The following KCNQ1 variants were observed in gnomAD, a reference collection of about 807,000 sequenced individuals.
KCNQ1 encodes the protein potassium voltage-gated channel subfamily KQT member 1.
KCNQ1 carries 49 observed loss-of-function variants against 72.4 expected under a neutral mutation model. The ratio of observed to expected loss-of-function variants is 0.68; its 90% CI spans 0.54 to 0.86. KCNQ1 has a LOEUF of 0.86. KCNQ1 is among the 40% of genes least tolerant of loss of function. KCNQ1 has a pLI of 0.00. For synonymous variants in KCNQ1, 450 were observed against 412.6 expected (o/e 1.09, Z -1.10); for missense variants, 790 against 945.1 (o/e 0.84, Z 2.15).
chr11:2,507,309 G>T lies in KCNQ1; in HGVS notation c.387-20619G>T, dbSNP rs1235688240. ...CCCCACTGGCTGGGGCCTTCACGAGGCCCCTCTGGCCTCTAAGTGGAGCAT... is the reference window on the plus strand; with the variant it reads ...CCCCACTGGCTGGGGCCTTCACGAGTCCCCTCTGGCCTCTAAGTGGAGCAT... On this transcript the variant is annotated intron_variant, in intron 1 of 15. Coordinates refer to ENST00000155840, the MANE Select transcript of KCNQ1 (RefSeq NM_000218.3). This position sits in a 1 kb window ranked among gnomAD's most constrained non-coding sequence, Gnocchi z 5.4. Among the ~76,000 whole-genome samples, 2 of 152,178 alleles carry T rather than the reference G, an allele frequency of 1.3e-5. No individual in the cohort carries two copies. The highest frequency in any genetic ancestry group is 4.8e-5 in the African/African-American group (2 of 41,432).
chr11:2,585,216 T>C lies in KCNQ1; in HGVS notation c.1037T>C (p.Ile346Thr). 1 of 1,614,002 alleles carries C rather than the reference T, an allele frequency of 6.2e-7. No individual in the cohort carries two copies. Among genetic ancestry groups the C allele is most frequent in the East Asian group, 2.2e-5 (1 of 44,874 alleles). Residue 346 changes from isoleucine to threonine, a missense_variant, in exon 8 of 16, where the codon ATT becomes ACT. By Grantham distance (89) the Ile-to-Thr change is moderately conservative (BLOSUM62 -1). Around this residue, in one of 5 missense-constraint regions of KCNQ1, gnomAD observed 133 missense variants for 219.5 expected, o/e 0.61. Transcript: ENST00000155840. Reference sequence around the variant, plus strand: ...CTCCTGTCCATTCCTTCCCAGGGGATTCTTGGCTCGGGGTTTGCCCTGAAG... The same window carrying C: ...CTCCTGTCCATTCCTTCCCAGGGGACTCTTGGCTCGGGGTTTGCCCTGAAG... ...AISFFALPAG[I>T]LGSGFALKVQ... is the part of the protein sequence containing the mutation.
At chr11:2,455,273 AT>A (rs774728589) in intron 1 of KCNQ1, among the ~76,000 whole-genome samples, 41 of 151,928 alleles carry the variant, frequency 2.7e-4, no homozygotes, top group East Asian at 2.5e-3. Context: ...AATTTTTTGT[AT>A]TTTTTAGTAG....
chr11:2,649,541 T>C (rs1290164462), intron 10 of KCNQ1: 3 of 398,454 alleles, frequency 7.5e-6, no homozygotes, highest in African/African-American at 6.2e-5. Context: ...CTGCTTCATT[T>C]CTGAAGGATA....
intron 10 of KCNQ1, chr11:2,625,584 T>C: frequency 2.5e-6 from 1 of 397,316 alleles, no homozygotes. Flanking sequence ...TGCCCTTTTT[T>C]TTTTTTTTTT....
At chr11:2,714,900 A>G (rs998282942) in intron 11 of KCNQ1, among the ~76,000 whole-genome samples, 10 of 151,748 alleles carry the variant, frequency 6.6e-5, no homozygotes, top group Admixed American at 6.6e-4. Context: ...CTCAGGACAC[A>G]TGCTCTCCAG....
rs1025938422 is a variant in KCNQ1, at chr11:2,477,926, G to C, written c.386+32442G>C. ...AGGCCATCAAGGAAACCCCGTGGCA[G>C]GGGCAGGGGTTCAAAGAGCTGGTGG... On this transcript the variant is annotated intron_variant, in intron 1 of 15. Transcript: ENST00000155840. The surrounding 1 kb of genome is among the most constrained non-coding windows in gnomAD (Gnocchi z 5.0). Among the ~76,000 whole-genome samples the C allele has an allele frequency of 1.2e-4, 19 of 152,164 alleles. No homozygotes were observed. Among genetic ancestry groups the C allele is most frequent in the African/African-American group, 4.6e-4 (19 of 41,430 alleles).
chr11:2,627,292 T>C lies in KCNQ1; in HGVS notation c.1394-34669T>C, dbSNP rs1849276539. 1 of 398,544 alleles carries C rather than the reference T, an allele frequency of 2.5e-6. No homozygotes were observed. The highest frequency in any genetic ancestry group is 4.4e-6 in the Non-Finnish European group (1 of 226,028). 24.7% of individuals were successfully genotyped at this position (398,544 alleles called of 1,614,324 possible). ...CAAGCCAATTAACATATACCTTACA[T>C]AGTTGCCATGTGTGTGCGTGTGTGT... is the stretch of plus-strand genomic sequence containing the variant. On this transcript the variant is annotated intron_variant, in intron 10 of 15. Transcript: ENST00000155840. The surrounding 1 kb of genome is among the most constrained non-coding windows in gnomAD (Gnocchi z 4.9).
chr11:2,778,124 G>A, intron 15 of KCNQ1, 87 bp downstream of exon 15: 4 of 1,288,834 alleles, frequency 3.1e-6, no homozygotes, highest in Non-Finnish European at 4.5e-6. Flanking sequence ...TGAACGTGAA[G>A]CTCCTGCAGG....
intron 10 of KCNQ1, chr11:2,629,398 A>G (rs1170634952): frequency 5.0e-6 from 2 of 398,394 alleles, no homozygotes; most frequent in Non-Finnish European, 8.8e-6. Flanking sequence ...AAATGAAGTC[A>G]ATACCAAATC....
rs1034005148 is a variant in KCNQ1 at position 2,471,135 on chromosome 11, G to A, written c.386+25651G>A. On this transcript the variant is annotated intron_variant, in intron 1 of 15. Coordinates refer to ENST00000155840, the MANE Select transcript of KCNQ1 (RefSeq NM_000218.3). The surrounding 1 kb of genome is among the most constrained non-coding windows in gnomAD (Gnocchi z 4.8). ...CCACCCTGTATCAACTCATCTCATC[G>A]ATATCTCCCAACGGCTGGGGAACAA... Among the ~76,000 whole-genome samples, 3 of 151,642 alleles carry A rather than the reference G, an allele frequency of 2.0e-5. No individual in the cohort carries two copies. The highest frequency in any genetic ancestry group is 2.9e-5 in the Non-Finnish European group (2 of 67,940).
rs1056641344 is a variant in KCNQ1, at chr11:2,665,213, T to G, written c.1514+3132T>G. 2.0e-5 allele frequency: 8 copies of G among 398,446 alleles called. No homozygotes were observed. In the East Asian group the frequency reaches 2.8e-4, roughly 14 times the overall value. 24.7% of individuals were successfully genotyped at this position (398,446 alleles called of 1,614,324 possible). On this transcript the variant is annotated intron_variant, in intron 11 of 15. Coordinates refer to ENST00000155840, the MANE Select transcript of KCNQ1 (RefSeq NM_000218.3). The stretch of plus-strand genomic sequence containing the variant: ...GAACACACCTTTCAGGCAGAAGCTG[T>G]CTTCCTAGGTTGAATGGGGCACAAG...
At chr11:2,696,823 C>A in intron 11 of KCNQ1, 1 of 398,532 alleles carries the variant, frequency 2.5e-6, no homozygotes, top group Non-Finnish European at 4.4e-6. Flanking sequence ...TGATTGCTGT[C>A]CTAATCTCTA....
rs916558779 is a variant in KCNQ1 at position 2,766,364 on chromosome 11, G to C, written c.1515-2480G>C. On this transcript the variant is annotated intron_variant, in intron 11 of 15. Coordinates refer to ENST00000155840, the MANE Select transcript of KCNQ1 (RefSeq NM_000218.3). This position sits in a 1 kb window ranked among gnomAD's most constrained non-coding sequence, Gnocchi z 4.4. ...GCTGAGTGGTCTCTGTTGTCCTCAC[G>C]TGTCTGGAGCCACTGGGTTGTCAGC... is the stretch of plus-strand genomic sequence containing the variant. Among the ~76,000 whole-genome samples, 1 of 152,216 alleles carries C rather than the reference G, an allele frequency of 6.6e-6. No homozygotes were observed. Among genetic ancestry groups the C allele is most frequent in the Non-Finnish European group, 1.5e-5 (1 of 68,040 alleles).
chr11:2,705,435 G>C (rs1004000227), intron 11 of KCNQ1, among the ~76,000 whole-genome samples: 1 of 152,206 alleles, frequency 6.6e-6, no homozygotes, highest in Non-Finnish European at 1.5e-5. Context: ...CTCAGCAGCT[G>C]TCTCCTGAGC....
At chr11:2,777,614 A>G (rs2411343) in intron 14 of KCNQ1, 465,403 of 574,018 alleles carry the variant, frequency 0.81, 191,834 homozygotes, top group East Asian at 1. Context: ...GGTGTAACGG[A>G]GCAGCGGAAT....
rs1015453802 is a variant in KCNQ1 at position 2,685,773 on chromosome 11, G to A, written c.1514+23692G>A. On this transcript the variant is annotated intron_variant, in intron 11 of 15. Coordinates refer to ENST00000155840, the MANE Select transcript of KCNQ1 (RefSeq NM_000218.3). ...GGCAGGCATCCTCCCAGGTGGCAGT[G>A]AGAAAGGGCCCTGCACAGTCAGCGT... is the stretch of plus-strand genomic sequence containing the variant. 2.0e-5 allele frequency: 8 copies of A among 398,672 alleles called. No individual in the cohort carries two copies. The East Asian group carries it at 2.8e-4, about 14-fold the overall frequency. 24.7% of individuals were successfully genotyped at this position (398,672 alleles called of 1,614,324 possible). A position where few individuals can be genotyped will look rare whatever the true frequency, so the allele number is the denominator to read the frequency against.
Position 2,677,241 on chromosome 11 carries a change from A to G in KCNQ1, c.1514+15160A>G, listed in dbSNP as rs1319227571. 1 of 398,510 alleles carries G rather than the reference A, an allele frequency of 2.5e-6. No homozygotes were observed. The highest frequency in any genetic ancestry group is 4.4e-6 in the Non-Finnish European group (1 of 226,074). 24.7% of individuals were successfully genotyped at this position (398,510 alleles called of 1,614,324 possible). On this transcript the variant is annotated intron_variant, in intron 11 of 15. Transcript: ENST00000155840. The surrounding 1 kb of genome is among the most constrained non-coding windows in gnomAD (Gnocchi z 4.5). ...CAACCAAAGACAATATAAAGCACAC[A>G]CAAAGTAAAGAGGAACTTATAAAGA...
intron 15 of KCNQ1, among the ~76,000 whole-genome samples, chr11:2,792,163 C>T (rs1847039875): frequency 6.6e-6 from 1 of 152,198 alleles, no homozygotes; most frequent in Admixed American, 6.5e-5. Context: ...CCCGCACTCC[C>T]GCGGCCTCCA....
rs994492906 is a variant in KCNQ1 at position 2,669,009 on chromosome 11, A to G, written c.1514+6928A>G. ...CGAGGTCAAGGTCCACTCTTCCCCT[A>G]CTTGGATATCCAGTCTAGCTCAGCA... On this transcript the variant is annotated intron_variant, in intron 11 of 15. Coordinates refer to ENST00000155840, the MANE Select transcript of KCNQ1 (RefSeq NM_000218.3). This position sits in a 1 kb window ranked among gnomAD's most constrained non-coding sequence, Gnocchi z 5.6. The G allele has an allele frequency of 5.0e-6, 2 of 398,504 alleles. No individual in the cohort carries two copies. Among genetic ancestry groups the G allele is most frequent in the Non-Finnish European group, 8.8e-6 (2 of 226,048 alleles). 24.7% of individuals were successfully genotyped at this position (398,504 alleles called of 1,614,324 possible). A position where few individuals can be genotyped will look rare whatever the true frequency, so the allele number is the denominator to read the frequency against.
Sources: allele counts gnomAD v4.1 joint callset (sites outside exome capture counted in the v4.1 genomes callset), GRCh38; gene constraint gnomAD v4.1.1; regional missense constraint gnomAD v4.1.1; non-coding constraint Gnocchi (gnomAD v3.1); transcripts MANE v1.5; gene names NCBI Gene and HGNC (gene_info 2026-07-23, HGNC 2026-07-21).